Variants in RHBDD1 observed in about 807,000 individuals in gnomAD.
RHBDD1 encodes the protein rhomboid-related protein 4.
RHBDD1 carries 38 observed loss-of-function variants against 36.3 expected under a neutral mutation model. The ratio of observed to expected loss-of-function variants is 1.05; its 90% CI spans 0.81 to 1.37. The LOEUF (loss-of-function observed/expected upper bound fraction) is 1.37, where lower values mean the gene tolerates loss of function less well. RHBDD1 is among the 40% of genes most tolerant of loss of function. The pLI is 0.00. For synonymous variants in RHBDD1, 151 were observed against 136.5 expected (o/e 1.11, Z -0.74); for missense variants, 393 against 377.6 (o/e 1.04, Z -0.34).
At chr2:226,849,886 T>G (rs1424132635) in intron 3 of RHBDD1, among the ~76,000 whole-genome samples, 1 of 152,246 alleles carries the variant, frequency 6.6e-6, no homozygotes, top group Non-Finnish European at 1.5e-5. Context: ...TGTCTCTCTC[T>G]CTCTACATAT....
the RHBDD1 span, among the ~76,000 whole-genome samples, chr2:226,815,500 G>A: frequency 6.6e-6 from 1 of 152,036 alleles, no homozygotes; most frequent in African/African-American, 2.4e-5. Context: ...AAAATACATT[G>A]AATATTTTAC....
At chr2:226,815,596 A>T in the RHBDD1 span, among the ~76,000 whole-genome samples, 1 of 152,240 alleles carries the variant, frequency 6.6e-6, no homozygotes, top group Admixed American at 6.5e-5. Flanking sequence ...ATTGATTTCT[A>T]AAGACTGTGA....
chr2:226,987,338 A>G (rs867111810), intron 8 of RHBDD1, among the ~76,000 whole-genome samples: 1 of 152,064 alleles, frequency 6.6e-6, no homozygotes, highest in African/African-American at 2.4e-5. Context: ...AACTTAAAGT[A>G]TAAAAAAAAA....
chr2:226,969,112 A>C, intron 8 of RHBDD1: 1 of 185,842 alleles, frequency 5.4e-6, no homozygotes, highest in Non-Finnish European at 1.2e-5. Context: ...TACTCTTCCC[A>C]TGTCAGAACA....
At position 226,998,006 on chromosome 2, in the gene RHBDD1, TTATCTC is replaced by T. The variant is rs771518831; in HGVS notation, c.*2487_*2492del. The T allele has an allele frequency of 7.2e-5, 11 of 152,232 alleles. No homozygotes were observed. The highest frequency in any genetic ancestry group is 1.6e-4 in the Non-Finnish European group (11 of 68,038). The allele number at this position is 152,232 out of a possible 1,614,324, so 9.4% of individuals were successfully genotyped here. Reference sequence around the variant, plus strand: ...CAAGTGAGCAAGTGTATTAGACTAATTATCTCTAGTAGGGAATAAGCACTTAGAGCT... The same window carrying T: ...CAAGTGAGCAAGTGTATTAGACTAATTAGTAGGGAATAAGCACTTAGAGCT... On this transcript the variant is annotated 3_prime_UTR_variant, in exon 9 of 9. Coordinates refer to ENST00000392062, the MANE Select transcript of RHBDD1 (RefSeq NM_001167608.3).
At chr2:226,811,659 A>C in the RHBDD1 span, among the ~76,000 whole-genome samples, 1 of 152,246 alleles carries the variant, frequency 6.6e-6, no homozygotes, top group African/African-American at 2.4e-5. Flanking sequence ...GTAAAGAGTA[A>C]CAGTGTAATT....
chr2:226,860,411 C>T (rs1230320990), intron 3 of RHBDD1, among the ~76,000 whole-genome samples: 2 of 152,160 alleles, frequency 1.3e-5, no homozygotes, highest in Non-Finnish European at 2.9e-5. Flanking sequence ...CCTCTGTGGT[C>T]TTTCAGATAG....
At chr2:226,871,565 C>T (rs1411493777) in intron 5 of RHBDD1, among the ~76,000 whole-genome samples, 1 of 152,180 alleles carries the variant, frequency 6.6e-6, no homozygotes, top group African/African-American at 2.4e-5. Context: ...TATTCTAAGA[C>T]GGTCTTCCCA....
At chr2:226,907,733 T>A (rs1233912124) in intron 6 of RHBDD1, among the ~76,000 whole-genome samples, 1 of 152,224 alleles carries the variant, frequency 6.6e-6, no homozygotes, top group Non-Finnish European at 1.5e-5. Flanking sequence ...TCGTGTTCAC[T>A]TTTGGTTGAT....
At chr2:226,971,870 T>C (rs936406334) in intron 8 of RHBDD1, among the ~76,000 whole-genome samples, 9 of 152,098 alleles carry the variant, frequency 5.9e-5, no homozygotes, top group Non-Finnish European at 1.3e-4. Context: ...AAGGAACTTA[T>C]TGAACATGAT....
At chr2:226,900,355 A>G (rs1947484768) in intron 5 of RHBDD1, among the ~76,000 whole-genome samples, 1 of 151,990 alleles carries the variant, frequency 6.6e-6, no homozygotes, top group South Asian at 2.1e-4. Flanking sequence ...TGGAAAAATT[A>G]TTTTTCTTCT....
chr2:226,902,865 A>G (rs1947708866), intron 5 of RHBDD1, among the ~76,000 whole-genome samples: 1 of 152,208 alleles, frequency 6.6e-6, no homozygotes, highest in South Asian at 2.1e-4. Flanking sequence ...AAAACCATTT[A>G]GAGATAGATA....
At chr2:226,904,510 G>A (rs1268903024) in intron 5 of RHBDD1, among the ~76,000 whole-genome samples, 2 of 151,798 alleles carry the variant, frequency 1.3e-5, no homozygotes, top group African/African-American at 2.4e-5. Flanking sequence ...TGGTGTGTGT[G>A]CGTGTCTGTG....
intron 5 of RHBDD1, among the ~76,000 whole-genome samples, chr2:226,889,777 A>G (rs1359362282): frequency 2.0e-5 from 3 of 152,202 alleles, no homozygotes; most frequent in East Asian, 3.8e-4. Flanking sequence ...TCCATCAGGG[A>G]TGAAGTACTG....
intron 3 of RHBDD1, among the ~76,000 whole-genome samples, chr2:226,860,981 C>T (rs1943800839): frequency 6.6e-6 from 1 of 151,988 alleles, no homozygotes; most frequent in Admixed American, 6.6e-5. Flanking sequence ...ACCTCCAGTG[C>T]CTGGCACAGG....
At chr2:226,864,124 G>T (rs1379510413) in intron 3 of RHBDD1, among the ~76,000 whole-genome samples, 2 of 152,144 alleles carry the variant, frequency 1.3e-5, no homozygotes, top group African/African-American at 4.8e-5. Flanking sequence ...TGGGATTAAA[G>T]ATAATGTATG....
intron 8 of RHBDD1, among the ~76,000 whole-genome samples, chr2:226,960,624 G>A (rs924390443): frequency 6.6e-6 from 1 of 152,220 alleles, no homozygotes; most frequent in African/African-American, 2.4e-5. Flanking sequence ...GGCAAAATTA[G>A]GGGTTATCAA....
chr2:226,821,187 G>A, the RHBDD1 span, among the ~76,000 whole-genome samples: 9 of 152,152 alleles, frequency 5.9e-5, no homozygotes, highest in Non-Finnish European at 1.3e-4. Flanking sequence ...AAGCCACAAA[G>A]AGAAGAACTG....
At chr2:226,831,596 T>C (rs1425101220), upstream of RHBDD1, among the ~76,000 whole-genome samples, 1 of 152,186 alleles carries the variant, frequency 6.6e-6, no homozygotes, top group East Asian at 1.9e-4. Flanking sequence ...GAATTCTCTC[T>C]TCCAGGTTTC....
Sources: gnomAD v4.1 joint callset for allele counts (sites outside exome capture counted in the v4.1 genomes callset) on GRCh38, gnomAD v4.1.1 for gene constraint, MANE v1.5 for transcripts, NCBI Gene and HGNC (gene_info 2026-07-23, HGNC 2026-07-21) for gene names.